CDH18: variants seen among roughly 807,000 people sequenced by gnomAD.
CDH18 encodes the protein cadherin 18.
A neutral mutation model predicts 67.9 loss-of-function variants in CDH18; 31 were observed. That is an observed-to-expected ratio of 0.46 (90% confidence interval 0.34 to 0.62). The LOEUF (loss-of-function observed/expected upper bound fraction) is 0.62. Among genes scored for constraint, CDH18 ranks in the 20% least tolerant of loss-of-function variants. The pLI is 0.01. For synonymous variants in CDH18, 362 were observed against 347.2 expected (o/e 1.04, Z -0.48); for missense variants, 890 against 975.5 (o/e 0.91, Z 1.17).
At chr5:19,813,133 C>T (rs1280387334) in intron 3 of CDH18, among the ~76,000 whole-genome samples, 1 of 151,938 alleles carries the variant, frequency 6.6e-6, no homozygotes, top group Non-Finnish European at 1.5e-5. Flanking sequence ...CACACTGGGG[C>T]CTGTTGACGG....
intron 5 of CDH18, among the ~76,000 whole-genome samples, chr5:19,618,071 C>T (rs910890687): frequency 5.3e-5 from 8 of 152,094 alleles, no homozygotes; most frequent in Non-Finnish European, 8.8e-5. Context: ...AAATGCCTAA[C>T]GGGCTAGAAC....
chr5:20,218,565 T>G (rs988562403), intron 2 of CDH18, among the ~76,000 whole-genome samples: 1 of 152,042 alleles, frequency 6.6e-6, no homozygotes, highest in Non-Finnish European at 1.5e-5. Flanking sequence ...TCATCTTGAT[T>G]TGTATTCCCA....
At chr5:20,195,450 G>A (rs924625817) in intron 2 of CDH18, among the ~76,000 whole-genome samples, 1 of 151,862 alleles carries the variant, frequency 6.6e-6, no homozygotes, top group Non-Finnish European at 1.5e-5. Context: ...GCCTAAAAAG[G>A]TCTCAGAAAC....
intron 5 of CDH18, among the ~76,000 whole-genome samples, chr5:19,686,483 G>A (rs1240233416): frequency 6.6e-6 from 1 of 152,132 alleles, no homozygotes; most frequent in Non-Finnish European, 1.5e-5. Context: ...GATGTTGGTG[G>A]CTCATTACAC....
intron 3 of CDH18, among the ~76,000 whole-genome samples, chr5:19,757,824 C>A (rs1201216810): frequency 6.6e-6 from 1 of 152,204 alleles, no homozygotes; most frequent in Non-Finnish European, 1.5e-5. Flanking sequence ...TCCTTCCATG[C>A]AAAGTGCACA....
intron 3 of CDH18, among the ~76,000 whole-genome samples, chr5:19,780,594 A>C (rs532102608): frequency 6.6e-6 from 1 of 152,212 alleles, no homozygotes; most frequent in South Asian, 2.1e-4. Flanking sequence ...TTGGTTATCT[A>C]ATCTCCCAGA....
chr5:20,571,233 G>A (rs1274661318), intron 1 of CDH18, among the ~76,000 whole-genome samples: 1 of 151,980 alleles, frequency 6.6e-6, no homozygotes, highest in Non-Finnish European at 1.5e-5. Flanking sequence ...TCATTGTTAT[G>A]TTTGTCTCTT....
At chr5:19,837,509 T>G (rs562845169) in intron 3 of CDH18, among the ~76,000 whole-genome samples, 170 of 152,318 alleles carry the variant, frequency 1.1e-3, no homozygotes, top group African/African-American at 4.0e-3. Context: ...AAAATTTATT[T>G]TATGAAATAC....
rs115834874 is a variant in CDH18 at position 20,345,950 on chromosome 5, G to A, written c.-579-90445C>T. 1.4e-3 allele frequency among the ~76,000 whole-genome samples: 214 copies of A among 152,292 alleles called. 2 individuals carry two copies. Among genetic ancestry groups the A allele is most frequent in the South Asian group, 8.5e-3 (41 of 4,818 alleles). On this transcript the variant is annotated intron_variant, in intron 1 of 14. Transcript: ENST00000507958. ...ATGTAGTAAAGAATTTCACTTTACT[G>A]TCACCACAATTACCATCAGGAGTAC...
At chr5:20,448,224 T>A (rs1055958106) in intron 1 of CDH18, among the ~76,000 whole-genome samples, 1 of 152,114 alleles carries the variant, frequency 6.6e-6, no homozygotes, top group Middle Eastern at 3.2e-3. Context: ...ACAAAGGACA[T>A]GAATTCATCA....
chr5:20,187,571 C>A (rs1378994008), intron 2 of CDH18, among the ~76,000 whole-genome samples: 1 of 151,860 alleles, frequency 6.6e-6, no homozygotes, highest in African/African-American at 2.4e-5. Flanking sequence ...CTGCTTGCAG[C>A]TGTCAAATAC....
intron 2 of CDH18, among the ~76,000 whole-genome samples, chr5:19,910,570 A>G (rs919442953): frequency 6.6e-6 from 1 of 152,200 alleles, no homozygotes; most frequent in African/African-American, 2.4e-5. Context: ...ACTTCTATTA[A>G]TAATTAATAA....
At chr5:19,811,082 G>T (rs1327783147) in intron 3 of CDH18, among the ~76,000 whole-genome samples, 3 of 14,232 alleles carry the variant, frequency 2.1e-4, no homozygotes, top group African/African-American at 3.6e-4. Flanking sequence ...AAGAGAAAAA[G>T]AAAGAAAGAA....
intron 6 of CDH18, among the ~76,000 whole-genome samples, chr5:19,600,600 T>C (rs915278643): frequency 1.4e-4 from 21 of 151,284 alleles, no homozygotes; most frequent in African/African-American, 5.1e-4. Flanking sequence ...CTGTCCTTTT[T>C]CTTGAAAAAA....
At chr5:19,646,277 C>T (rs563556767) in intron 5 of CDH18, among the ~76,000 whole-genome samples, 11 of 151,798 alleles carry the variant, frequency 7.2e-5, no homozygotes, top group Non-Finnish European at 1.0e-4. Flanking sequence ...AAACACACAG[C>T]CTACGTGAGA....
chr5:20,390,201 A>G (rs551840140), intron 1 of CDH18, among the ~76,000 whole-genome samples: 1 of 152,314 alleles, frequency 6.6e-6, no homozygotes, highest in African/African-American at 2.4e-5. Flanking sequence ...GTGAACAGGC[A>G]ACCTACAGAA....
intron 2 of CDH18, among the ~76,000 whole-genome samples, chr5:20,153,171 T>C (rs1351171791): frequency 6.6e-6 from 1 of 152,014 alleles, no homozygotes; most frequent in Non-Finnish European, 1.5e-5. Flanking sequence ...CTCGATCTCC[T>C]GACCTTGTGA....
chr5:20,481,712 A>G (rs1752824083), intron 1 of CDH18, among the ~76,000 whole-genome samples: 1 of 152,080 alleles, frequency 6.6e-6, no homozygotes, highest in African/African-American at 2.4e-5. Context: ...TTAGTGGGTC[A>G]AAAAAAGTAA....
At chr5:20,153,145 C>T (rs1395010021) in intron 2 of CDH18, among the ~76,000 whole-genome samples, 1 of 151,548 alleles carries the variant, frequency 6.6e-6, no homozygotes. Context: ...GGTTTCACTG[C>T]GTTAGCCAGG....
Sources: allele counts gnomAD v4.1 joint callset (sites outside exome capture counted in the v4.1 genomes callset), GRCh38; gene constraint gnomAD v4.1.1; transcripts MANE v1.5; gene names NCBI Gene and HGNC (gene_info 2026-07-23, HGNC 2026-07-21).